Variants in PXT1 observed in about 807,000 individuals in gnomAD.
PXT1 encodes peroxisomal testis-specific protein 1.
In PXT1, 11 loss-of-function variants were observed where a neutral mutation model predicts 11.0. The observed-to-expected ratio is 1.00, with a 90% CI of 0.63 to 1.66. The LOEUF is 1.66. Ranked by LOEUF, PXT1 falls within the 40% of genes most tolerant of loss-of-function variation. PXT1 has a pLI of 0.00. For missense variants in PXT1, 141 were observed against 155.5 expected (o/e 0.91, Z 0.49); for synonymous variants, 43 against 51.4 (o/e 0.84, Z 0.70).
At chr6:36,433,362 T>C (rs532485856) in intron 2 of PXT1, among the ~76,000 whole-genome samples, 5 of 152,124 alleles carry the variant, frequency 3.3e-5, no homozygotes, top group South Asian at 2.1e-4. Context: ...TTGTGAAAGA[T>C]AAAGACAAAA....
intron 3 of PXT1, among the ~76,000 whole-genome samples, chr6:36,408,243 T>C (rs1774317813): frequency 6.8e-6 from 1 of 148,116 alleles, no homozygotes; most frequent in Non-Finnish European, 1.5e-5. Flanking sequence ...ATTACACATG[T>C]GAGCCACCAC....
chr6:36,423,577 G>A (rs1336845422), intron 3 of PXT1, among the ~76,000 whole-genome samples: 1 of 152,230 alleles, frequency 6.6e-6, no homozygotes, highest in Non-Finnish European at 1.5e-5. Context: ...ACACACCAGC[G>A]TTATTTATTC....
chr6:36,441,150 C>T (rs369262291), intron 1 of PXT1, among the ~76,000 whole-genome samples: 20 of 150,200 alleles, frequency 1.3e-4, no homozygotes, highest in African/African-American at 4.6e-4. Context: ...TACAAATCTA[C>T]GGGAAGGAAT....
chr6:36,419,987 G>A (rs903786704), intron 3 of PXT1, among the ~76,000 whole-genome samples: 4 of 152,160 alleles, frequency 2.6e-5, no homozygotes, highest in Non-Finnish European at 5.9e-5. Flanking sequence ...TCCTAAGTAG[G>A]TGGGTTTAGG....
chr6:36,418,410 A>G (rs1176186543), intron 3 of PXT1, among the ~76,000 whole-genome samples: 2 of 152,168 alleles, frequency 1.3e-5, no homozygotes, highest in Non-Finnish European at 2.9e-5. Context: ...CAGGCTGGAC[A>G]CTGACTTTGT....
At chr6:36,414,616 G>A (rs557893775) in intron 3 of PXT1, among the ~76,000 whole-genome samples, 15 of 152,182 alleles carry the variant, frequency 9.9e-5, no homozygotes, top group South Asian at 6.2e-4. Flanking sequence ...CAGAGTCTTC[G>A]TTGCTGGTAG....
At chr6:36,423,498 G>GGC (rs1182003384) in intron 3 of PXT1, among the ~76,000 whole-genome samples, 1 of 152,210 alleles carries the variant, frequency 6.6e-6, no homozygotes, top group Non-Finnish European at 1.5e-5. Context: ...GGCCGGCGGC[G>GGC]GCGCGCGCGT....
chr6:36,427,553 T>C (rs1245398901), intron 2 of PXT1, among the ~76,000 whole-genome samples: 2 of 152,194 alleles, frequency 1.3e-5, no homozygotes, highest in Admixed American at 1.3e-4. Flanking sequence ...AGTTTTCTAG[T>C]AGCTACATTT....
chr6:36,404,817 G>A (rs915297749), intron 3 of PXT1, among the ~76,000 whole-genome samples: 1 of 152,092 alleles, frequency 6.6e-6, no homozygotes, highest in Non-Finnish European at 1.5e-5. Context: ...AATTAGCCGG[G>A]CGTGGTGGCA....
At chr6:36,440,808 A>G (rs1427577217) in intron 1 of PXT1, among the ~76,000 whole-genome samples, 1 of 152,196 alleles carries the variant, frequency 6.6e-6, no homozygotes, top group Non-Finnish European at 1.5e-5. Flanking sequence ...TTGAACCATT[A>G]ACTATTAAAA....
intron 4 of PXT1, 123 bp downstream of exon 4, chr6:36,400,331 T>C: frequency 8.4e-7 from 1 of 1,195,096 alleles, no homozygotes; most frequent in Non-Finnish European, 1.2e-6. Flanking sequence ...CATTTGGTAA[T>C]CCAGACAGCA....
chr6:36,432,639 T>C (rs758370017), intron 2 of PXT1, among the ~76,000 whole-genome samples: 1 of 152,076 alleles, frequency 6.6e-6, no homozygotes, highest in South Asian at 2.1e-4. Flanking sequence ...GGAAGGGAGA[T>C]AGATGGGAGA....
intron 2 of PXT1, among the ~76,000 whole-genome samples, chr6:36,438,089 G>A (rs945908880): frequency 2.0e-5 from 3 of 151,960 alleles, no homozygotes; most frequent in South Asian, 2.1e-4. Context: ...CAAAGTGCTG[G>A]GATTATAGGC....
chr6:36,412,395 C>T (rs1483715574), intron 3 of PXT1, among the ~76,000 whole-genome samples: 1 of 148,930 alleles, frequency 6.7e-6, no homozygotes, highest in Non-Finnish European at 1.5e-5. Context: ...GCCGCAGTGG[C>T]TCATGCCTGT....
intron 4 of PXT1, chr6:36,393,522 G>A (rs987953450): frequency 2.6e-5 from 4 of 152,402 alleles, no homozygotes; most frequent in African/African-American, 7.2e-5. Flanking sequence ...TTGAGCCCAG[G>A]AGTTTGAGAC....
chr6:36,391,829 A>C lies in PXT1; in HGVS notation c.346T>G (p.Phe116Val). ...GRDALDHFVF[F>V]FFRRVQVLLH... ...AACACCTGAACTCTTCTAAAGAAAA[A>C]GAAGACAAAATGATCTAGTGCATCT... Residue 116 changes from phenylalanine to valine, a missense_variant, in exon 5 of 5, where the codon TTT becomes GTT. By Grantham distance (50) the Phe-to-Val change is conservative. Transcript: ENST00000454782. 1 of 1,614,024 alleles carries C rather than the reference A, an allele frequency of 6.2e-7. No individual in the cohort carries two copies. Among genetic ancestry groups the C allele is most frequent in the South Asian group, 1.1e-5 (1 of 91,084 alleles).
At chr6:36,425,667 A>C (rs1176843350) in intron 3 of PXT1, among the ~76,000 whole-genome samples, 1 of 151,760 alleles carries the variant, frequency 6.6e-6, no homozygotes, top group Non-Finnish European at 1.5e-5. Context: ...GGGCGCCTGC[A>C]ATCCCAGCTA....
intron 2 of PXT1, among the ~76,000 whole-genome samples, chr6:36,431,769 A>AAT (rs1561934188): frequency 2.0e-5 from 3 of 151,962 alleles, no homozygotes; most frequent in African/African-American, 4.8e-5. Context: ...CTGCCTAAAA[A>AAT]ATATATATCT....
Position 36,400,507 on chromosome 6 carries a change from C to T in PXT1, c.247G>A (p.Ala83Thr), listed in dbSNP as rs369913309. 4 of 1,613,974 alleles carry T rather than the reference C, an allele frequency of 2.5e-6. No homozygotes were observed. Among genetic ancestry groups the T allele is most frequent in the Admixed American group, 3.3e-5 (2 of 60,002 alleles). ...TCCCCAATGTGTCTCAGCTGCATGG[C>T]CAACTTGTGAATTATTTCCTCCTGG... ...HHQEEIIHKL[A>T]MQLRHIGDNI... Residue 83 changes from alanine (A) to threonine (T), a missense_variant, in exon 4 of 5, where the codon GCC becomes ACC. Physicochemically the swap from Ala to Thr is moderately conservative, Grantham distance 58. Transcript: ENST00000454782.
Sources: gnomAD v4.1 joint callset for allele counts (sites outside exome capture counted in the v4.1 genomes callset) on GRCh38, gnomAD v4.1.1 for gene constraint, MANE v1.5 for transcripts, NCBI Gene and HGNC (gene_info 2026-07-23, HGNC 2026-07-21) for gene names.